Variants in CNOT6L observed in about 807,000 individuals in gnomAD.
The protein encoded by CNOT6L is CCR4-NOT transcription complex subunit 6-like.
CNOT6L carries 7 observed loss-of-function variants against 64.0 expected under a neutral mutation model. That is an observed-to-expected ratio of 0.11 (90% CI 0.06 to 0.21). The LOEUF (loss-of-function observed/expected upper bound fraction) is 0.21, where lower values mean the gene tolerates loss of function less well. Ranked by LOEUF, CNOT6L falls within the 10% of genes least tolerant of loss-of-function variation. CNOT6L has a pLI of 1.00. For synonymous variants in CNOT6L, 193 were observed against 243.4 expected, an observed-to-expected ratio of 0.79 and a Z score of 1.93; for missense variants, 245 against 669.0, an observed-to-expected ratio of 0.37 and a Z score of 6.99.
Position 77,819,304 on chromosome 4 carries a change from C to T in CNOT6L, c.5G>A (p.Arg2Lys). Residue 2 changes from arginine (R) to lysine (K), a missense_variant and splice_region_variant, in exon 1 of 12, where the codon AGA becomes AAA. By Grantham distance (26) the Arg-to-Lys change is conservative (BLOSUM62 2). This residue lies in a region of CNOT6L where 78 missense variants were observed against 137.6 expected (regional missense o/e 0.57). Transcript: ENST00000504123. ...ACTCGGAGGCAAAAGAACACTCTAC[C>T]TCATTCTCTTCCTCTGGCCCAGAAG... M[R>K]LIGMPKEKYD... 1.2e-6 allele frequency: 2 copies of T among 1,613,706 alleles called. No individual in the cohort carries two copies. The highest frequency in any genetic ancestry group is 1.7e-6 in the Non-Finnish European group (2 of 1,179,762).
intron 4 of CNOT6L, among the ~76,000 whole-genome samples, chr4:77,764,781 G>A (rs1212295014): frequency 1.3e-5 from 2 of 152,056 alleles, no homozygotes; most frequent in African/African-American, 2.4e-5. Flanking sequence ...CCAAATACAA[G>A]AGACCCTAAA....
chr4:77,766,206 G>A (rs1726797659), intron 4 of CNOT6L, among the ~76,000 whole-genome samples: 1 of 152,042 alleles, frequency 6.6e-6, no homozygotes, highest in African/African-American at 2.4e-5. Flanking sequence ...AAAAGTGTGT[G>A]TATGTATATG....
chr4:77,793,577 T>C (rs1057158972), intron 1 of CNOT6L, among the ~76,000 whole-genome samples: 1 of 151,912 alleles, frequency 6.6e-6, no homozygotes, highest in African/African-American at 2.4e-5. Flanking sequence ...CCCCGTCTCT[T>C]ATGATGGACT....
intron 8 of CNOT6L, among the ~76,000 whole-genome samples, chr4:77,734,711 TCTATTTAATTTTTAATTTTTTACAGA>T (rs1722769440): frequency 6.6e-6 from 1 of 151,978 alleles, no homozygotes; most frequent in South Asian, 2.1e-4. Context: ...GAAACTTCAT[TCTATTTAATTTTTAATTTTTTACAGA>T]TATGTAAGAT....
intron 1 of CNOT6L, among the ~76,000 whole-genome samples, chr4:77,799,882 G>A (rs1731314754): frequency 1.3e-5 from 2 of 152,114 alleles, no homozygotes; most frequent in Non-Finnish European, 2.9e-5. Flanking sequence ...GAAAAAAACT[G>A]AAGTAACATT....
intron 1 of CNOT6L, among the ~76,000 whole-genome samples, chr4:77,785,939 T>C (rs1021184028): frequency 6.6e-6 from 1 of 152,046 alleles, no homozygotes; most frequent in African/African-American, 2.4e-5. Context: ...GTAGGTGTGG[T>C]AGGGACAGAC....
chr4:77,770,712 T>C (rs1727433361), intron 4 of CNOT6L, among the ~76,000 whole-genome samples: 1 of 152,246 alleles, frequency 6.6e-6, no homozygotes, highest in Admixed American at 6.5e-5. Context: ...ACTTGATAGA[T>C]TTTAATGAAT....
In CNOT6L at chr4:77,774,510, T is replaced by A; in HGVS notation, c.314+20A>T. On this transcript the variant is annotated intron_variant, in intron 3 of 11. Transcript: ENST00000504123. ...ATTTAGAATTTTATATAGTGAGTCATGTCTGTTTTATTTCCTCACCTGAGA... is the reference window on the plus strand; with the variant it reads ...ATTTAGAATTTTATATAGTGAGTCAAGTCTGTTTTATTTCCTCACCTGAGA... 2 of 1,568,638 alleles carry A rather than the reference T, an allele frequency of 1.3e-6. No homozygotes were observed. The highest frequency in any genetic ancestry group is 1.7e-6 in the Non-Finnish European group (2 of 1,157,164).
intron 1 of CNOT6L, among the ~76,000 whole-genome samples, chr4:77,802,657 T>A (rs989509523): frequency 6.6e-6 from 1 of 152,188 alleles, no homozygotes; most frequent in African/African-American, 2.4e-5. Context: ...ACACCCAGTA[T>A]GTGGCCAGAT....
At position 77,720,476 on chromosome 4, in the gene CNOT6L, T is replaced by C; in HGVS notation, c.1623A>G (p.Pro541=). 1.2e-6 allele frequency: 2 copies of C among 1,612,524 alleles called. No individual in the cohort carries two copies. The highest frequency in any genetic ancestry group is 8.5e-7 in the Non-Finnish European group (1 of 1,179,300). Residue 541 remains proline (P), a synonymous_variant, in exon 12 of 12, where the codon CCA becomes CCG. Coordinates refer to ENST00000504123, the MANE Select transcript of CNOT6L (RefSeq NM_144571.3). ...GAACACCATTGACAAGAGGCAGGAG[T>C]GGAGGGTGGAGTTCAAGTTGTGTTA... is the stretch of plus-strand genomic sequence containing the variant. The part of the protein sequence containing the change: ...SLLTQLELHP[P]LLPLVNGVHL...
chr4:77,768,480 T>A (rs1242411599), intron 4 of CNOT6L, among the ~76,000 whole-genome samples: 1 of 2,932 alleles, frequency 3.4e-4, no homozygotes, highest in East Asian at 0.015. Flanking sequence ...AATAAATATA[T>A]ATATATATAT....
At chr4:77,785,914 T>C (rs185143243) in intron 1 of CNOT6L, among the ~76,000 whole-genome samples, 232 of 152,222 alleles carry the variant, frequency 1.5e-3, no homozygotes, top group African/African-American at 5.4e-3. Context: ...AGTATTTCCC[T>C]CAAGGAAGGG....
upstream of CNOT6L, among the ~76,000 whole-genome samples, chr4:77,820,039 T>A (rs1340672763): frequency 6.6e-6 from 1 of 151,980 alleles, no homozygotes; most frequent in African/African-American, 2.4e-5. Context: ...CTTGGCCTCC[T>A]GGTGCTGGGG....
At chr4:77,801,920 A>C (rs1731632018) in intron 1 of CNOT6L, among the ~76,000 whole-genome samples, 1 of 152,154 alleles carries the variant, frequency 6.6e-6, no homozygotes, top group Non-Finnish European at 1.5e-5. Flanking sequence ...AAATCCTCAT[A>C]GTCCAGGAAA....
chr4:77,745,797 A>G (rs907741188), intron 6 of CNOT6L, among the ~76,000 whole-genome samples: 1 of 152,232 alleles, frequency 6.6e-6, no homozygotes. Context: ...CCAGGTGATT[A>G]TAATGAACAG....
Position 77,717,791 on chromosome 4 carries a change from A to G in CNOT6L, c.*2640T>C, listed in dbSNP as rs1720903503. ...ATGTGAAATTTGGGCAGTGGGCTAA[A>G]GGGAAACCGTGCACATGAAATTTGG... On this transcript the variant is annotated 3_prime_UTR_variant, in exon 12 of 12. Coordinates refer to ENST00000504123, the MANE Select transcript of CNOT6L (RefSeq NM_144571.3). 6.6e-6 allele frequency: 1 copy of G among 152,562 alleles called. No individual in the cohort carries two copies. Among genetic ancestry groups the G allele is most frequent in the Non-Finnish European group, 1.5e-5 (1 of 68,020 alleles). The allele number at this position is 152,562 out of a possible 1,614,324, so 9.5% of individuals were successfully genotyped here. A position where few individuals can be genotyped will look rare whatever the true frequency, so the allele number is the denominator to read the frequency against.
intron 1 of CNOT6L, among the ~76,000 whole-genome samples, chr4:77,801,183 G>C (rs1243965490): frequency 1.3e-5 from 2 of 152,158 alleles, no homozygotes; most frequent in Non-Finnish European, 2.9e-5. Context: ...GCAAAAACCA[G>C]CCACTGAAAA....
chr4:77,785,694 A>G (rs1350129534), intron 1 of CNOT6L, among the ~76,000 whole-genome samples: 1 of 152,214 alleles, frequency 6.6e-6, no homozygotes, highest in African/African-American at 2.4e-5. Flanking sequence ...AAAAACCACA[A>G]TGAGATATCG....
intron 1 of CNOT6L, among the ~76,000 whole-genome samples, chr4:77,786,618 G>A (rs1364723687): frequency 6.6e-6 from 1 of 151,932 alleles, no homozygotes; most frequent in Non-Finnish European, 1.5e-5. Flanking sequence ...GGGACTATAT[G>A]TGCATACCAC....
Sources: allele counts gnomAD v4.1 joint callset (sites outside exome capture counted in the v4.1 genomes callset), GRCh38; gene constraint gnomAD v4.1.1; regional missense constraint gnomAD v4.1.1; transcripts MANE v1.5; gene names NCBI Gene and HGNC (gene_info 2026-07-23, HGNC 2026-07-21).